NOX1: variants seen among roughly 807,000 people sequenced by gnomAD.
NOX1 encodes the protein NADH/NADPH mitogenic oxidase subunit P65-MOX.
A neutral mutation model predicts 42.5 loss-of-function variants in NOX1; 34 were observed. That is an observed-to-expected ratio of 0.80 (90% CI 0.61 to 1.07). NOX1 has a LOEUF of 1.07. Among genes scored for constraint, NOX1 ranks in the 50% least tolerant of loss-of-function variants. The pLI, the probability that NOX1 is intolerant of heterozygous loss-of-function variation, is 0.00. For synonymous variants in NOX1, 143 were observed against 152.5 expected (o/e 0.94, Z 0.46); for missense variants, 408 against 427.0 (o/e 0.96, Z 0.39).
At chrX:100,862,857 C>T (rs74371927) in intron 4 of NOX1, 37 bp from the exon 5 acceptor site, 3 of 1,141,173 alleles carry the variant, frequency 2.6e-6, no homozygotes, top group Non-Finnish European at 3.6e-6. Context: ...TAAGAGGCAT[C>T]TCAGCAACAT....
chrX:100,850,657 G>T (rs2147905034), intron 8 of NOX1, among the ~76,000 whole-genome samples: 1 of 112,146 alleles, frequency 8.9e-6, no homozygotes, highest in African/African-American at 3.2e-5. Flanking sequence ...TTAAATGTTG[G>T]CAACCAATTC....
chrX:100,873,213 G>A (rs374838737), intron 1 of NOX1, among the ~76,000 whole-genome samples: 1 of 111,226 alleles, frequency 9.0e-6, no homozygotes, highest in African/African-American at 3.3e-5. Context: ...AGAAATGGAA[G>A]AATGAGAGTG....
intron 12 of NOX1, among the ~76,000 whole-genome samples, 153 bp downstream of exon 12, chrX:100,848,477 T>C (rs1157029379): frequency 9.0e-6 from 1 of 110,896 alleles, no homozygotes; most frequent in Non-Finnish European, 1.9e-5. Flanking sequence ...TTTTTAGTAG[T>C]GACGGGGTTT....
At chrX:100,853,304 TTCTTTCTTTCTTTCTTTCTCTCTCTTTC>T (rs2085136272) in intron 7 of NOX1, among the ~76,000 whole-genome samples, 4 of 78,367 alleles carry the variant, frequency 5.1e-5, no homozygotes, top group Non-Finnish European at 7.2e-5. Flanking sequence ...CTTTCTTTCT[TTCTTTCTTTCTTTCTTTCTCTCTCTTTC>T]TCTTTCTTTC....
intron 2 of NOX1, among the ~76,000 whole-genome samples, chrX:100,867,038 T>C (rs1174544457): frequency 1.8e-5 from 2 of 111,651 alleles, no homozygotes; most frequent in African/African-American, 6.5e-5. Context: ...TATTTATTTA[T>C]GTATTTATTT....
At chrX:100,846,968 A>T (rs755585194) in intron 12 of NOX1, among the ~76,000 whole-genome samples, 66 of 111,482 alleles carry the variant, frequency 5.9e-4, no homozygotes, top group Middle Eastern at 4.7e-3. Context: ...TGAGTGAATC[A>T]CCTGAGGTCA....
At chrX:100,859,725 G>C (rs992977161) in intron 7 of NOX1, among the ~76,000 whole-genome samples, 1 of 103,655 alleles carries the variant, frequency 9.6e-6, no homozygotes, top group African/African-American at 3.5e-5. Context: ...TTTTTAGTTT[G>C]TGTGCATAGA....
At chrX:100,853,038 G>A (rs2085125064) in intron 7 of NOX1, among the ~76,000 whole-genome samples, 1 of 111,728 alleles carries the variant, frequency 9.0e-6, no homozygotes, top group South Asian at 3.7e-4. Context: ...CAGTTGAGCA[G>A]TATGTCTCAA....
chrX:100,869,542 T>C (rs1334803205), intron 2 of NOX1, among the ~76,000 whole-genome samples: 56 of 110,457 alleles, frequency 5.1e-4, no homozygotes, highest in South Asian at 1.5e-3. Context: ...AGTTGCTTAT[T>C]AGCTTAAGGA....
Position 100,851,302 on chromosome X carries a change from C to A in NOX1, c.828G>T (p.Pro276=). 8.4e-7 allele frequency: 1 copy of A among 1,186,697 alleles called. No individual in the cohort carries two copies. The highest frequency in any genetic ancestry group is 1.1e-6 in the Non-Finnish European group (1 of 877,278). Residue 276 remains proline (P), a synonymous_variant, in exon 8 of 13, where the codon CCG becomes CCT. Coordinates refer to ENST00000372966, the MANE Select transcript of NOX1 (RefSeq NM_007052.5). ...PPESWKWILA[P]VILYICERIL... ...TCCTTTCACAGATATAAAGAATGAC[C>A]GGTGCAAGGATCCACTTCCAAGACT...
chrX:100,843,475 T>C lies in NOX1; in HGVS notation c.*477A>G. 9.2e-7 allele frequency: 1 copy of C among 1,081,226 alleles called. No individual in the cohort carries two copies. Among genetic ancestry groups the C allele is most frequent in the Non-Finnish European group, 1.2e-6 (1 of 831,542 alleles). The allele number at this position is 1,081,226 out of a possible 1,213,427, so 89.1% of individuals were successfully genotyped here. ...GGGTTCTCGGTAATTTTGTTTATTA[T>C]TTATGTTTATTATTATGTTTTATCA... On this transcript the variant is annotated 3_prime_UTR_variant, in exon 13 of 13. Transcript: ENST00000372966.
At position 100,866,475 on chromosome X, in the gene NOX1, A is replaced by AGT. The variant is rs201744970; in HGVS notation, c.142-2882_142-2881dup. Among the ~76,000 whole-genome samples, 351 of 87,615 alleles carry AGT rather than the reference A, an allele frequency of 4.0e-3. 3 individuals carry two copies. Among genetic ancestry groups the AGT allele is most frequent in the African/African-American group, 0.015 (333 of 22,546 alleles). 76.1% of individuals were successfully genotyped at this position (87,615 alleles called of 115,157 possible). On this transcript the variant is annotated intron_variant, in intron 2 of 12. Transcript: ENST00000372966. The stretch of plus-strand genomic sequence containing the variant: ...TCTGATACATTTGTGAGCTTATGTC[A>AGT]GTGTGTGTGTCCCTGTGTGTGTGTG...
In NOX1 at chrX:100,870,278, G is replaced by GGCAGGA. The variant is rs1196078802; in HGVS notation, c.141+435_141+440dup. Reference sequence around the variant, plus strand: ...TAAAAAAAAAAAAAAAAGAAATAGGGGCAGGAGCAGGAGCAGGAGCACTGC... The same window carrying GGCAGGA: ...TAAAAAAAAAAAAAAAAGAAATAGGGGCAGGAGCAGGAGCAGGAGCAGGAGCACTGC... On this transcript the variant is annotated intron_variant, in intron 2 of 12. Coordinates refer to ENST00000372966, the MANE Select transcript of NOX1 (RefSeq NM_007052.5). Among the ~76,000 whole-genome samples, 82 of 109,500 alleles carry GGCAGGA rather than the reference G, an allele frequency of 7.5e-4. No homozygotes were observed. The East Asian group carries it at 0.02, about 27-fold the overall frequency.
intron 7 of NOX1, among the ~76,000 whole-genome samples, chrX:100,860,518 A>T (rs1402293878): frequency 9.0e-6 from 1 of 111,060 alleles, no homozygotes; most frequent in East Asian, 2.8e-4. Context: ...TTTATTTGGC[A>T]TTTTTTTCCA....
At chrX:100,844,906 C>T (rs944583776) in intron 12 of NOX1, among the ~76,000 whole-genome samples, 19 of 111,997 alleles carry the variant, frequency 1.7e-4, no homozygotes, top group Non-Finnish European at 3.0e-4. Flanking sequence ...TAAACCCATC[C>T]ACTGTGAGCT....
intron 8 of NOX1, 117 bp from the exon 9 acceptor site, chrX:100,850,503 T>A: frequency 2.1e-6 from 1 of 480,970 alleles, no homozygotes; most frequent in Non-Finnish European, 3.6e-6. Flanking sequence ...CAAACACAAG[T>A]CCTCTCTAAA....
Position 100,862,162 on chromosome X carries a change from G to A in NOX1, c.804+9C>T. 1.7e-6 allele frequency: 2 copies of A among 1,211,076 alleles called. No homozygotes were observed. The highest frequency in any genetic ancestry group is 2.2e-6 in the Non-Finnish European group (2 of 894,880). On this transcript the variant is annotated intron_variant, in intron 7 of 12. Coordinates refer to ENST00000372966, the MANE Select transcript of NOX1 (RefSeq NM_007052.5). ...AACAAGAGTCTGTCCTTGCCCGTAG[G>A]GCTCTTACCTCAGGGGGATGCCCTT...
intron 5 of NOX1, 37 bp from the exon 6 acceptor site, chrX:100,862,610 A>G (rs1399715641): frequency 1.0e-5 from 12 of 1,193,288 alleles, no homozygotes; most frequent in Non-Finnish European, 1.2e-5. Flanking sequence ...CACAATGTCC[A>G]CCTGTGCACT....
At chrX:100,856,726 C>T (rs1200223359) in intron 7 of NOX1, among the ~76,000 whole-genome samples, 1 of 110,245 alleles carries the variant, frequency 9.1e-6, no homozygotes, top group South Asian at 4.0e-4. Context: ...TCGTGCACCA[C>T]CATGCCCGGC....
Sources: allele counts gnomAD v4.1 joint callset (sites outside exome capture counted in the v4.1 genomes callset), GRCh38; gene constraint gnomAD v4.1.1; transcripts MANE v1.5; gene names NCBI Gene and HGNC (gene_info 2026-07-23, HGNC 2026-07-21).